The following HECW2 variants were observed in gnomAD, a reference collection of about 807,000 sequenced individuals.
HECW2 encodes the protein HECT, C2 and WW domain containing E3 ubiquitin protein ligase 2.
A neutral mutation model predicts 175.2 loss-of-function variants in HECW2; 61 were observed. The observed-to-expected ratio is 0.35, with a 90% CI of 0.28 to 0.43. The LOEUF (loss-of-function observed/expected upper bound fraction) is 0.43. HECW2 is among the 20% of genes least tolerant of loss of function. The probability of loss-of-function intolerance (pLI) is 1.00; values close to 1 mark genes in which losing one functional copy is unlikely to be tolerated. For missense variants in HECW2, 1,524 were observed against 2,000.5 expected (o/e 0.76, Z 4.54); for synonymous variants, 671 against 731.0 (o/e 0.92, Z 1.32).
chr2:196,513,534 A>T (rs549791882), intron 1 of HECW2, among the ~76,000 whole-genome samples: 52 of 152,326 alleles, frequency 3.4e-4, no homozygotes, highest in African/African-American at 1.1e-3. Context: ...TTCAATAAGC[A>T]TTTAATACCT....
intron 1 of HECW2, among the ~76,000 whole-genome samples, chr2:196,506,979 AAGC>A (rs1687781172): frequency 6.6e-6 from 1 of 152,210 alleles, no homozygotes; most frequent in Admixed American, 6.5e-5. Flanking sequence ...TAAAATTACC[AAGC>A]AGGTTTTATT....
At chr2:196,526,883 C>G (rs1204897661) in intron 1 of HECW2, among the ~76,000 whole-genome samples, 2 of 152,010 alleles carry the variant, frequency 1.3e-5, no homozygotes, top group Admixed American at 1.3e-4. Context: ...CTCTTCAAAG[C>G]TGTCAGACAG....
rs184001122 is a variant in HECW2, at chr2:196,529,449, G to C, written c.-36+64059C>G. On this transcript the variant is annotated intron_variant, in intron 1 of 28. Coordinates refer to ENST00000644978, the MANE Select transcript of HECW2 (RefSeq NM_001348768.2). ...TAATTCTCTTTGTGATCTCGGGCAA[G>C]TCACAACCCACCTGAACCTTACTTC... 2.6e-5 allele frequency among the ~76,000 whole-genome samples: 4 copies of C among 152,260 alleles called. No individual in the cohort carries two copies. The East Asian group carries it at 7.7e-4, about 29-fold the overall frequency.
intron 1 of HECW2, among the ~76,000 whole-genome samples, chr2:196,473,785 G>A (rs373678623): frequency 3.9e-5 from 6 of 152,322 alleles, no homozygotes; most frequent in African/African-American, 1.4e-4. Context: ...AAAAGCCCAC[G>A]TGGGAACAGG....
At position 196,286,387 on chromosome 2, in the gene HECW2, C is replaced by CATATATATATATATATATATATAT. The variant is rs201658582; in HGVS notation, c.3000+6177_3000+6178insATATATATATATATATATATATAT. On this transcript the variant is annotated intron_variant, in intron 14 of 28. Transcript: ENST00000644978. ...TATATATATATTTTAAGATGGAGGT[C>CATATATATATATATATATATATAT]ATATATATATATATTTAAATCCATG... 8.4e-3 allele frequency among the ~76,000 whole-genome samples: 1,160 copies of CATATATATATATATATATATATAT among 137,446 alleles called. 28 individuals carry two copies. Among genetic ancestry groups the CATATATATATATATATATATATAT allele is most frequent in the Non-Finnish European group, 0.011 (672 of 62,128 alleles). The allele number at this position is 137,446 out of a possible 152,430, so 90.2% of individuals were successfully genotyped here.
chr2:196,431,279 G>C (rs1695704679), intron 2 of HECW2, among the ~76,000 whole-genome samples: 1 of 152,102 alleles, frequency 6.6e-6, no homozygotes, highest in Non-Finnish European at 1.5e-5. Context: ...TTGTGGGTTT[G>C]GTCACTTGGA....
At chr2:196,263,273 G>C (rs573314370) in intron 17 of HECW2, 36 of 152,176 alleles carry the variant, frequency 2.4e-4, no homozygotes, top group African/African-American at 7.7e-4. Flanking sequence ...TCCTCTGCAC[G>C]GAATCACCCC....
intron 1 of HECW2, among the ~76,000 whole-genome samples, chr2:196,502,622 T>C (rs893437026): frequency 5.9e-5 from 9 of 152,228 alleles, no homozygotes; most frequent in African/African-American, 1.9e-4. Flanking sequence ...TTCTGGCTAA[T>C]TCCCTCCCTT....
At chr2:196,328,435 A>G (rs1309018357) in intron 5 of HECW2, among the ~76,000 whole-genome samples, 2 of 152,198 alleles carry the variant, frequency 1.3e-5, no homozygotes, top group East Asian at 1.9e-4. Context: ...CAAGCAAAAA[A>G]GCAAGCTCAT....
chr2:196,580,873 T>C (rs993228692), intron 1 of HECW2, among the ~76,000 whole-genome samples: 78 of 152,164 alleles, frequency 5.1e-4, no homozygotes, highest in African/African-American at 1.9e-3. Context: ...TTATTCATAA[T>C]AGCCGAAAAA....
rs114527579 is a variant in HECW2, at chr2:196,297,321, T to C, written c.2815-4571A>G. On this transcript the variant is annotated intron_variant, in intron 13 of 28. Transcript: ENST00000644978. ...CTAGCAAGAAATAAGCACTTGATGG[T>C]TGAGTGAATGATCAACTGAATTTCT... Among the ~76,000 whole-genome samples, 151 of 152,324 alleles carry C rather than the reference T, an allele frequency of 9.9e-4. No homozygotes were observed. The Middle Eastern group carries it at 0.01, about 10-fold the overall frequency.
chr2:196,293,493 T>C (rs1690684149), intron 13 of HECW2, among the ~76,000 whole-genome samples: 1 of 152,198 alleles, frequency 6.6e-6, no homozygotes, highest in African/African-American at 2.4e-5. Flanking sequence ...AATAGAATGA[T>C]TTATATTCCT....
chr2:196,381,003 G>A (rs564256972), intron 2 of HECW2, among the ~76,000 whole-genome samples: 4 of 152,188 alleles, frequency 2.6e-5, no homozygotes, highest in African/African-American at 9.6e-5. Context: ...TGGTGGTGGG[G>A]GTTCTCACTC....
Position 196,451,904 on chromosome 2 carries a change from GTAAA to G in HECW2, c.-35-18450_-35-18447del, listed in dbSNP as rs140968815. On this transcript the variant is annotated intron_variant, in intron 1 of 28. Transcript: ENST00000644978. Reference sequence around the variant, plus strand: ...ACAGAGCAAGACATCGTCTCAATAAGTAAATAAATAAGAAATGATTTATTTCTTA... The same window carrying G: ...ACAGAGCAAGACATCGTCTCAATAAGTAAATAAGAAATGATTTATTTCTTA... Among the ~76,000 whole-genome samples the G allele has an allele frequency of 6.6e-5, 10 of 152,266 alleles. No individual in the cohort carries two copies. In the East Asian group the frequency reaches 1.3e-3, roughly 21 times the overall value.
At chr2:196,317,757 A>G (rs537476881) in intron 9 of HECW2, among the ~76,000 whole-genome samples, 1 of 152,192 alleles carries the variant, frequency 6.6e-6, no homozygotes, top group Admixed American at 6.5e-5. Flanking sequence ...TACATTACAG[A>G]AAAAGAAAAT....
At chr2:196,334,632 G>T in intron 3 of HECW2, 114 bp from the exon 4 acceptor site, 2 of 793,738 alleles carry the variant, frequency 2.5e-6, no homozygotes, top group Non-Finnish European at 4.1e-6. Flanking sequence ...GACTCTGAAT[G>T]ACCTCTTTTT....
intron 1 of HECW2, among the ~76,000 whole-genome samples, chr2:196,446,449 G>A (rs1176896444): frequency 6.6e-6 from 1 of 152,092 alleles, no homozygotes; most frequent in African/African-American, 2.4e-5. Context: ...CCCCTAGAAT[G>A]TATGCTTCAT....
chr2:196,328,858 T>A (rs1389944395), intron 5 of HECW2, among the ~76,000 whole-genome samples: 1 of 152,196 alleles, frequency 6.6e-6, no homozygotes. Flanking sequence ...TTCAACAGTG[T>A]CCTATGTATG....
At chr2:196,484,046 G>C (rs1280842458) in intron 1 of HECW2, among the ~76,000 whole-genome samples, 1 of 152,170 alleles carries the variant, frequency 6.6e-6, no homozygotes, top group Non-Finnish European at 1.5e-5. Flanking sequence ...CTGATTGGAA[G>C]TATCTCTTCT....
Sources: gnomAD v4.1 joint callset for allele counts (sites outside exome capture counted in the v4.1 genomes callset) on GRCh38, gnomAD v4.1.1 for gene constraint, MANE v1.5 for transcripts, NCBI Gene and HGNC (gene_info 2026-07-23, HGNC 2026-07-21) for gene names.